CMKLR1: variants seen among roughly 807,000 people sequenced by gnomAD.
CMKLR1 encodes chemerin chemokine-like receptor 1.
Under a neutral mutation model 8.2 loss-of-function variants are expected in CMKLR1, and 6 were observed. That is an observed-to-expected ratio of 0.73 (90% confidence interval 0.40 to 1.44). CMKLR1 has a LOEUF of 1.44. Ranked by LOEUF, CMKLR1 falls within the 40% of genes most tolerant of loss-of-function variation. The pLI, the probability that CMKLR1 is intolerant of heterozygous loss-of-function variation, is 0.02. For synonymous variants in CMKLR1, 178 were observed against 181.2 expected (o/e 0.98, Z 0.14); for missense variants, 429 against 478.0 (o/e 0.90, Z 0.96).
At chr12:108,330,295 A>G (rs901439327) in intron 1 of CMKLR1, 88 bp from the exon 2 acceptor site, 2 of 152,314 alleles carry the variant, frequency 1.3e-5, no homozygotes, top group Non-Finnish European at 2.9e-5. Context: ...TCAAGCTCCC[A>G]GCTGAATGCA....
At chr12:108,322,810 C>A (rs1040641979) in intron 2 of CMKLR1, among the ~76,000 whole-genome samples, 2 of 152,108 alleles carry the variant, frequency 1.3e-5, no homozygotes, top group African/African-American at 4.8e-5. Context: ...GCAAAATAAA[C>A]CTCTTTTCTT....
intron 2 of CMKLR1, among the ~76,000 whole-genome samples, chr12:108,309,289 T>C (rs879709811): frequency 5.3e-5 from 8 of 152,168 alleles, no homozygotes; most frequent in Admixed American, 4.6e-4. Flanking sequence ...CAGAGAAGCT[T>C]CTTGGAACGC....
intron 1 of CMKLR1, among the ~76,000 whole-genome samples, chr12:108,338,500 A>C (rs1291892561): frequency 6.6e-6 from 1 of 152,236 alleles, no homozygotes; most frequent in Non-Finnish European, 1.5e-5. Context: ...CCCTGGTATA[A>C]CATCGTAGAG....
At chr12:108,305,756 TG>T (rs1250678998) in intron 2 of CMKLR1, among the ~76,000 whole-genome samples, 7 of 152,188 alleles carry the variant, frequency 4.6e-5, no homozygotes, top group African/African-American at 1.7e-4. Flanking sequence ...CGCCCACATG[TG>T]GGAGCTCGCA....
intron 2 of CMKLR1, among the ~76,000 whole-genome samples, chr12:108,300,040 TG>T (rs1891228628): frequency 6.6e-6 from 1 of 152,218 alleles, no homozygotes; most frequent in African/African-American, 2.4e-5. Flanking sequence ...GGACAAGAAT[TG>T]GGTCTTATTC....
intron 2 of CMKLR1, among the ~76,000 whole-genome samples, chr12:108,310,812 T>G (rs958376001): frequency 6.6e-6 from 1 of 152,134 alleles, no homozygotes; most frequent in East Asian, 1.9e-4. Flanking sequence ...TCCCCGGGCC[T>G]CATGGACCCA....
chr12:108,300,597 G>A (rs1299336399), intron 2 of CMKLR1, among the ~76,000 whole-genome samples: 1 of 152,164 alleles, frequency 6.6e-6, no homozygotes, highest in Non-Finnish European at 1.5e-5. Context: ...AAGGGATTAA[G>A]GGCCCAGGAT....
intron 2 of CMKLR1, among the ~76,000 whole-genome samples, chr12:108,299,929 C>G (rs550241667): frequency 6.6e-6 from 1 of 152,216 alleles, no homozygotes; most frequent in East Asian, 1.9e-4. Flanking sequence ...AATACACTCC[C>G]CATTCTGGCT....
In CMKLR1 at chr12:108,302,190, G is replaced by C. The variant is rs375103407; in HGVS notation, c.-73-8526C>G. On this transcript the variant is annotated intron_variant, in intron 2 of 3. Transcript: ENST00000550402. ...GAAATGCACATGAAAACCACAACCA[G>C]ATGACATTCTACACCTTCTAGACTG... Among the ~76,000 whole-genome samples the C allele has an allele frequency of 8.9e-4, 135 of 152,314 alleles. 1 individual carries two copies. Among genetic ancestry groups the C allele is most frequent in the African/African-American group, 2.9e-3 (122 of 41,556 alleles).
chr12:108,293,750 A>AACAACAGATCTTATT, intron 2 of CMKLR1, 86 bp from the exon 3 acceptor site: 1 of 717,048 alleles, frequency 1.4e-6, no homozygotes, highest in Non-Finnish European at 2.3e-6. Flanking sequence ...CAGAAATAAG[A>AACAACAGATCTTATT]TCTGTTGTTC....
At position 108,302,896 on chromosome 12, in the gene CMKLR1, G is replaced by T. The variant is rs188435093; in HGVS notation, c.-73-9232C>A. ...CACAGTGAAGAAAGAAAATACAAGCGCAGGGACTTCTGGGGGCCCCTGATG... is the reference window on the plus strand; with the variant it reads ...CACAGTGAAGAAAGAAAATACAAGCTCAGGGACTTCTGGGGGCCCCTGATG... On this transcript the variant is annotated intron_variant, in intron 2 of 3. Coordinates refer to ENST00000550402, the MANE Select transcript of CMKLR1 (RefSeq NM_001142343.2). Among the ~76,000 whole-genome samples, 7 of 152,284 alleles carry T rather than the reference G, an allele frequency of 4.6e-5. No homozygotes were observed. The East Asian group carries it at 1.4e-3, about 29-fold the overall frequency.
rs980461680 is a variant in CMKLR1, at chr12:108,330,003, C to A, written c.-82G>T. ...CCTGCCCCAATACTCACATGTCACGCCTCCCATCAAGAAGTGGACTCTATT... is the reference window on the plus strand; with the variant it reads ...CCTGCCCCAATACTCACATGTCACGACTCCCATCAAGAAGTGGACTCTATT... On this transcript the variant is annotated 5_prime_UTR_variant, in exon 2 of 4. Transcript: ENST00000550402. 6.6e-6 allele frequency: 1 copy of A among 152,158 alleles called. No homozygotes were observed. The highest frequency in any genetic ancestry group is 1.5e-5 in the Non-Finnish European group (1 of 68,044). The allele number at this position is 152,158 out of a possible 1,614,324, so 9.4% of individuals were successfully genotyped here. A position where few individuals can be genotyped will look rare whatever the true frequency, so the allele number is the denominator to read the frequency against.
chr12:108,317,272 A>G (rs989760630), intron 2 of CMKLR1, among the ~76,000 whole-genome samples: 2 of 152,382 alleles, frequency 1.3e-5, no homozygotes, highest in South Asian at 4.1e-4. Context: ...TATGTGCTCT[A>G]GAGGTTCTCT....
rs7310684 is a variant in CMKLR1, at chr12:108,291,280, C to G, written c.*561G>C. 1 of 153,018 alleles carries G rather than the reference C, an allele frequency of 6.5e-6. No homozygotes were observed. Among genetic ancestry groups the G allele is most frequent in the African/African-American group, 2.4e-5 (1 of 41,440 alleles). 9.5% of individuals were successfully genotyped at this position (153,018 alleles called of 1,614,324 possible). A position where few individuals can be genotyped will look rare whatever the true frequency, so the allele number is the denominator to read the frequency against. ...TCCTAGCTGATCCGAAAGCCAAATTCATGGCCTATGGAGTTCATGGGCTGA... is the reference window on the plus strand; with the variant it reads ...TCCTAGCTGATCCGAAAGCCAAATTGATGGCCTATGGAGTTCATGGGCTGA... On this transcript the variant is annotated 3_prime_UTR_variant, in exon 4 of 4. Transcript: ENST00000550402.
chr12:108,293,515 G>A (rs896635041), intron 3 of CMKLR1, 74 bp downstream of exon 3: 7 of 1,503,438 alleles, frequency 4.7e-6, no homozygotes, highest in Non-Finnish European at 6.3e-6. Context: ...CAGCCTTGTT[G>A]TGATCCCCCT....
At chr12:108,299,587 A>C (rs1459850609) in intron 2 of CMKLR1, among the ~76,000 whole-genome samples, 1 of 152,180 alleles carries the variant, frequency 6.6e-6, no homozygotes, top group Non-Finnish European at 1.5e-5. Flanking sequence ...GATTAAGGTA[A>C]GGATCTCATG....
At chr12:108,312,301 C>A (rs999554966) in intron 2 of CMKLR1, among the ~76,000 whole-genome samples, 3 of 152,220 alleles carry the variant, frequency 2.0e-5, no homozygotes, top group Non-Finnish European at 2.9e-5. Flanking sequence ...CATTTCCAAG[C>A]ATCGTGGATG....
At chr12:108,293,714 G>A (rs1891055482) in intron 2 of CMKLR1, 50 bp from the exon 3 acceptor site, 1 of 1,079,076 alleles carries the variant, frequency 9.3e-7, no homozygotes. Flanking sequence ...CCAGGTCTAA[G>A]AACCAGAGGG....
intron 2 of CMKLR1, among the ~76,000 whole-genome samples, chr12:108,307,241 G>A (rs1048032055): frequency 6.6e-6 from 1 of 152,216 alleles, no homozygotes; most frequent in African/African-American, 2.4e-5. Flanking sequence ...CAAGAAGGCA[G>A]CTGGGGTGAG....
Sources: allele counts gnomAD v4.1 joint callset (sites outside exome capture counted in the v4.1 genomes callset), GRCh38; gene constraint gnomAD v4.1.1; transcripts MANE v1.5; gene names NCBI Gene and HGNC (gene_info 2026-07-23, HGNC 2026-07-21).